The following DOCK8 variants were observed in gnomAD, a reference collection of about 807,000 sequenced individuals.
DOCK8 encodes dedicator of cytokinesis 8.
DOCK8 carries 141 observed loss-of-function variants against 245.6 expected under a neutral mutation model. That is an observed-to-expected ratio of 0.57 (90% CI 0.50 to 0.66). The LOEUF (loss-of-function observed/expected upper bound fraction) is 0.66, where lower values mean the gene tolerates loss of function less well. Among genes scored for constraint, DOCK8 ranks in the 30% least tolerant of loss-of-function variants. The probability of loss-of-function intolerance (pLI) is 0.00; values close to 1 mark genes in which losing one functional copy is unlikely to be tolerated. For missense variants in DOCK8, 2,965 were observed against 2,603.4 expected, an observed-to-expected ratio of 1.14 and a Z score of -3.02; for synonymous variants, 1,168 against 970.2, an observed-to-expected ratio of 1.20 and a Z score of -3.79.
At chr9:427,649 G>A (rs916641247) in intron 34 of DOCK8, among the ~76,000 whole-genome samples, 1 of 152,112 alleles carries the variant, frequency 6.6e-6, no homozygotes, top group Non-Finnish European at 1.5e-5. Flanking sequence ...ATTAGAGTAG[G>A]TCCAGGATTG....
In DOCK8 at chr9:318,583, C is replaced by G. The variant is rs535246764; in HGVS notation, c.827+1455C>G. Among the ~76,000 whole-genome samples the G allele has an allele frequency of 2.0e-5, 3 of 152,354 alleles. No individual in the cohort carries two copies. The South Asian group carries it at 6.2e-4, about 32-fold the overall frequency. On this transcript the variant is annotated intron_variant, in intron 7 of 47. Coordinates refer to ENST00000432829, the MANE Select transcript of DOCK8 (RefSeq NM_203447.4). ...GGTGGTCTCTTGATATTATAGTCTC[C>G]TCCCGCTGGCCAGTTCTACCAGAGG...
In DOCK8 at chr9:340,074, A is replaced by C; in HGVS notation, c.1517-85A>C. The C allele has an allele frequency of 2.7e-6, 4 of 1,500,944 alleles. No homozygotes were observed. In the Admixed American group the frequency reaches 6.8e-5, roughly 26 times the overall value. 93.0% of individuals were successfully genotyped at this position (1,500,944 alleles called of 1,614,324 possible). On this transcript the variant is annotated intron_variant, in intron 13 of 47. Transcript: ENST00000432829. ...ACTATAGTTTGTTCTTATTTTCATG[A>C]AAGAAACACAGTGCAACAATCTTTC...
intron 28 of DOCK8, among the ~76,000 whole-genome samples, chr9:412,361 C>G (rs1045046920): frequency 6.9e-6 from 1 of 145,768 alleles, no homozygotes; most frequent in Non-Finnish European, 1.5e-5. Flanking sequence ...GCTGAGATCA[C>G]GCTACTGCAC....
At chr9:236,044 C>G (rs1005877862) in intron 1 of DOCK8, among the ~76,000 whole-genome samples, 2 of 152,154 alleles carry the variant, frequency 1.3e-5, no homozygotes, top group Non-Finnish European at 1.5e-5. Flanking sequence ...CATCTTGGCT[C>G]CTCCCCTTAT....
intron 21 of DOCK8, among the ~76,000 whole-genome samples, chr9:381,974 T>A (rs1235471918): frequency 6.9e-6 from 1 of 145,600 alleles, no homozygotes; most frequent in African/African-American, 2.8e-5. Context: ...AAAAAAAAAA[T>A]TAAATAGTAA....
At chr9:241,349 G>T (rs1053010853) in intron 1 of DOCK8, among the ~76,000 whole-genome samples, 1 of 152,006 alleles carries the variant, frequency 6.6e-6, no homozygotes, top group Non-Finnish European at 1.5e-5. Context: ...CTGTAATTTC[G>T]TATCCCTTAA....
upstream of DOCK8, among the ~76,000 whole-genome samples, chr9:211,320 A>C (rs1308636102): frequency 6.6e-6 from 1 of 152,098 alleles, no homozygotes; most frequent in East Asian, 1.9e-4. Context: ...CAGAAAGGTA[A>C]AGAATAAAGC....
At chr9:269,459 G>A (rs892323330) in intron 1 of DOCK8, among the ~76,000 whole-genome samples, 1 of 151,544 alleles carries the variant, frequency 6.6e-6, no homozygotes, top group Non-Finnish European at 1.5e-5. Context: ...TTCATCAGTT[G>A]ATGGACGTTT....
chr9:307,345 T>TG (rs2049888207), intron 5 of DOCK8, among the ~76,000 whole-genome samples: 57 of 6,112 alleles, frequency 9.3e-3, no homozygotes, highest in East Asian at 0.054. Flanking sequence ...TTTGTTTTTT[T>TG]TTTTTTTTTT....
chr9:375,291 T>C (rs2053470524), intron 18 of DOCK8, among the ~76,000 whole-genome samples: 1 of 152,078 alleles, frequency 6.6e-6, no homozygotes, highest in African/African-American at 2.4e-5. Context: ...AGGACATCTC[T>C]AAAGGAATGC....
chr9:214,859 C>G (rs767707980), upstream of DOCK8: 2 of 1,602,498 alleles, frequency 1.2e-6, no homozygotes, highest in Admixed American at 1.7e-5. Context: ...GTTTCCAGCG[C>G]CGACCGACAG....
At chr9:265,414 C>G (rs2048013884) in intron 1 of DOCK8, among the ~76,000 whole-genome samples, 2 of 152,226 alleles carry the variant, frequency 1.3e-5, no homozygotes, top group African/African-American at 4.8e-5. Context: ...ATAGGTACAC[C>G]CACAAATGTC....
At chr9:388,714 C>G (rs1486091161) in intron 23 of DOCK8, among the ~76,000 whole-genome samples, 2 of 152,068 alleles carry the variant, frequency 1.3e-5, no homozygotes, top group Non-Finnish European at 2.9e-5. Flanking sequence ...ACCACCACAT[C>G]TGGCTAATTT....
intron 14 of DOCK8, among the ~76,000 whole-genome samples, chr9:345,135 G>A (rs923812992): frequency 6.6e-6 from 1 of 152,180 alleles, no homozygotes; most frequent in Admixed American, 6.5e-5. Flanking sequence ...CATTCCAAGA[G>A]TCTGTCAGGT....
rs1554648145 is a variant in DOCK8 at position 262,031 on chromosome 9, G to GAA, written c.54-9594_54-9593dup. Among the ~76,000 whole-genome samples the GAA allele has an allele frequency of 2.6e-3, 376 of 146,328 alleles. 3 individuals carry two copies. Among genetic ancestry groups the GAA allele is most frequent in the African/African-American group, 9.1e-3 (358 of 39,294 alleles). ...AGAAAGAAAGAAAGAAAGAAAGAAA[G>GAA]AAAGACACCGCGATTTACCTATGTT... On this transcript the variant is annotated intron_variant, in intron 1 of 47. Transcript: ENST00000432829.
chr9:279,540 T>C (rs926235609), intron 2 of DOCK8, among the ~76,000 whole-genome samples: 2 of 152,190 alleles, frequency 1.3e-5, no homozygotes, highest in African/African-American at 4.8e-5. Flanking sequence ...TGCCTGGTAC[T>C]GAGGATTTTC....
chr9:266,054 G>A (rs1217433936), intron 1 of DOCK8, among the ~76,000 whole-genome samples: 1 of 152,150 alleles, frequency 6.6e-6, no homozygotes, highest in Admixed American at 6.5e-5. Context: ...AAAAACTGAT[G>A]TCTACATATC....
chr9:363,962 G>A (rs1185635202), intron 14 of DOCK8, among the ~76,000 whole-genome samples: 1 of 152,154 alleles, frequency 6.6e-6, no homozygotes, highest in Non-Finnish European at 1.5e-5. Flanking sequence ...CTACTTCAAA[G>A]CACCTTCACA....
chr9:351,216 G>T (rs1051871721), intron 14 of DOCK8, among the ~76,000 whole-genome samples: 1 of 152,180 alleles, frequency 6.6e-6, no homozygotes, highest in East Asian at 1.9e-4. Flanking sequence ...ACTGGGGAAC[G>T]CCTTTCTCCA....
Sources: gnomAD v4.1 joint callset for allele counts (sites outside exome capture counted in the v4.1 genomes callset) on GRCh38, gnomAD v4.1.1 for gene constraint, MANE v1.5 for transcripts, NCBI Gene and HGNC (gene_info 2026-07-23, HGNC 2026-07-21) for gene names.